The following PAPPA2 variants were observed in gnomAD, a reference collection of about 807,000 sequenced individuals.
PAPPA2 encodes the protein pappalysin-2.
A neutral mutation model predicts 176.4 loss-of-function variants in PAPPA2; 86 were observed. That is an observed-to-expected ratio of 0.49 (90% confidence interval 0.41 to 0.58). The LOEUF is 0.58. PAPPA2 is among the 20% of genes least tolerant of loss of function. The pLI is 0.00. For missense variants in PAPPA2, 2,073 were observed against 2,256.9 expected (o/e 0.92, Z 1.65); for synonymous variants, 809 against 852.2 (o/e 0.95, Z 0.88).
At chr1:176,773,300 C>T (rs1054119764) in intron 17 of PAPPA2, among the ~76,000 whole-genome samples, 2 of 152,188 alleles carry the variant, frequency 1.3e-5, no homozygotes, top group African/African-American at 4.8e-5. Flanking sequence ...GCATAAATCA[C>T]TGCCACTTGC....
chr1:176,562,525 A>G (rs1651735956), intron 2 of PAPPA2, among the ~76,000 whole-genome samples: 1 of 152,194 alleles, frequency 6.6e-6, no homozygotes, highest in African/African-American at 2.4e-5. Context: ...TATCACAGCA[A>G]GGTTTGAAGT....
chr1:176,654,466 T>C (rs936361400), intron 3 of PAPPA2, among the ~76,000 whole-genome samples: 3 of 149,062 alleles, frequency 2.0e-5, no homozygotes, highest in African/African-American at 7.3e-5. Context: ...GTATATATAT[T>C]TATATATTTT....
At chr1:176,530,676 C>T (rs1343255802) in intron 1 of PAPPA2, among the ~76,000 whole-genome samples, 2 of 151,960 alleles carry the variant, frequency 1.3e-5, no homozygotes, top group Non-Finnish European at 2.9e-5. Flanking sequence ...GACTAAGAAA[C>T]AGCAACATCC....
At chr1:176,484,995 A>G (rs1436773972) in intron 1 of PAPPA2, among the ~76,000 whole-genome samples, 6 of 152,184 alleles carry the variant, frequency 3.9e-5, no homozygotes, top group Non-Finnish European at 8.8e-5. Flanking sequence ...TTAAGGGGCA[A>G]TGGTTTGCTC....
intron 17 of PAPPA2, among the ~76,000 whole-genome samples, chr1:176,787,320 A>G (rs1012752429): frequency 6.6e-6 from 1 of 151,724 alleles, no homozygotes; most frequent in African/African-American, 2.4e-5. Context: ...CTGCAGCCTC[A>G]ACTTCCCAGG....
chr1:176,537,719 AGT>A (rs57602344), intron 1 of PAPPA2, among the ~76,000 whole-genome samples: 1,665 of 143,878 alleles, frequency 0.012, 28 homozygotes, highest in African/African-American at 0.031. Context: ...GTAGGTATGG[AGT>A]GTGTGTGTGT....
At position 176,788,563 on chromosome 1, in the gene PAPPA2, G is replaced by A. The variant is rs182654454; in HGVS notation, c.4716-1246G>A. Reference sequence around the variant, plus strand: ...ACCAGGAGTGTTTTTCATTAGAAGTGGATATGTTAAAATGGCAAATGGAAA... The same window carrying A: ...ACCAGGAGTGTTTTTCATTAGAAGTAGATATGTTAAAATGGCAAATGGAAA... On this transcript the variant is annotated intron_variant, in intron 17 of 22. Transcript: ENST00000367662. 1.4e-4 allele frequency among the ~76,000 whole-genome samples: 21 copies of A among 152,288 alleles called. No homozygotes were observed. In the East Asian group the frequency reaches 3.9e-3, roughly 28 times the overall value.
intron 3 of PAPPA2, among the ~76,000 whole-genome samples, chr1:176,652,525 G>T (rs945368195): frequency 6.6e-6 from 1 of 151,656 alleles, no homozygotes; most frequent in Admixed American, 6.6e-5. Flanking sequence ...TCATGCCCAT[G>T]GGACCTGTGG....
intron 1 of PAPPA2, among the ~76,000 whole-genome samples, chr1:176,508,503 A>G (rs1648420284): frequency 6.6e-6 from 1 of 152,210 alleles, no homozygotes; most frequent in South Asian, 2.1e-4. Flanking sequence ...TTAATAGCCA[A>G]TTAGACAATG....
chr1:176,745,581 A>G (rs2102880424), intron 14 of PAPPA2, among the ~76,000 whole-genome samples: 1 of 152,340 alleles, frequency 6.6e-6, no homozygotes, highest in Non-Finnish European at 1.5e-5. Context: ...CATAAAAGTA[A>G]TTATTAACCA....
chr1:176,698,972 A>G lies in PAPPA2; in HGVS notation c.2747-128A>G, dbSNP rs181708635. 4.4e-5 allele frequency: 55 copies of G among 1,255,040 alleles called. No individual in the cohort carries two copies. The Middle Eastern group carries it at 1.7e-3, about 39-fold the overall frequency. 77.7% of individuals were successfully genotyped at this position (1,255,040 alleles called of 1,614,324 possible). A position where few individuals can be genotyped will look rare whatever the true frequency, so the allele number is the denominator to read the frequency against. ...CTAGTACTTAAGATCTAACCTGCTA[A>G]GATGACCAACTTCTACAGGAATTCT... On this transcript the variant is annotated intron_variant, in intron 7 of 22. Transcript: ENST00000367662.
At chr1:176,837,745 T>C (rs1571402294) in intron 21 of PAPPA2, among the ~76,000 whole-genome samples, 1 of 151,844 alleles carries the variant, frequency 6.6e-6, no homozygotes, top group Admixed American at 6.6e-5. Context: ...TAGAGTGATA[T>C]CCTAAGACTG....
At chr1:176,484,656 C>T (rs891687127) in intron 1 of PAPPA2, among the ~76,000 whole-genome samples, 1 of 152,204 alleles carries the variant, frequency 6.6e-6, no homozygotes, top group Non-Finnish European at 1.5e-5. Context: ...AGGCATTCTT[C>T]ATTTCCCTTA....
At chr1:176,670,426 T>G (rs2102772825) in intron 3 of PAPPA2, among the ~76,000 whole-genome samples, 1 of 152,344 alleles carries the variant, frequency 6.6e-6, no homozygotes, top group East Asian at 1.9e-4. Context: ...AGTAGCTTTA[T>G]TATGTCCTTC....
At position 176,708,522 on chromosome 1, in the gene PAPPA2, C is replaced by T. The variant is rs181181590; in HGVS notation, c.3458-1461C>T. ...AGAAGAAAAACAAAACAAAACTATA[C>T]GTACATGTAGAGAGAGAGAGAGAGA... On this transcript the variant is annotated intron_variant, in intron 10 of 22. Coordinates refer to ENST00000367662, the MANE Select transcript of PAPPA2 (RefSeq NM_020318.3). Among the ~76,000 whole-genome samples, 860 of 112,182 alleles carry T rather than the reference C, an allele frequency of 7.7e-3. 16 individuals carry two copies. The highest frequency in any genetic ancestry group is 0.024 in the African/African-American group (807 of 33,056). The allele number at this position is 112,182 out of a possible 152,430, so 73.6% of individuals were successfully genotyped here.
intron 2 of PAPPA2, among the ~76,000 whole-genome samples, chr1:176,569,194 C>CT (rs1558443188): frequency 6.6e-6 from 1 of 152,202 alleles, no homozygotes; most frequent in Non-Finnish European, 1.5e-5. Context: ...TACAATCATG[C>CT]TCTCACACCA....
At chr1:176,613,090 G>A (rs1015709692) in intron 3 of PAPPA2, among the ~76,000 whole-genome samples, 2 of 152,226 alleles carry the variant, frequency 1.3e-5, no homozygotes, top group Non-Finnish European at 1.5e-5. Context: ...GGAGGGGGAA[G>A]ATTGTTGGCA....
chr1:176,805,062 C>T (rs1277812976), intron 21 of PAPPA2, among the ~76,000 whole-genome samples: 1 of 30,394 alleles, frequency 3.3e-5, no homozygotes, highest in East Asian at 2.4e-3. Flanking sequence ...TTCTTCCTTC[C>T]CTTCCTTCCT....
At chr1:176,584,015 C>G (rs11576525) in intron 2 of PAPPA2, among the ~76,000 whole-genome samples, 1 of 152,164 alleles carries the variant, frequency 6.6e-6, no homozygotes, top group African/African-American at 2.4e-5. Context: ...GAACTCCAGC[C>G]TGAGAGACAG....
Sources: allele counts gnomAD v4.1 joint callset (sites outside exome capture counted in the v4.1 genomes callset), GRCh38; gene constraint gnomAD v4.1.1; transcripts MANE v1.5; gene names NCBI Gene and HGNC (gene_info 2026-07-23, HGNC 2026-07-21).